The following ANKLE2 variants were observed in gnomAD, a reference collection of about 807,000 sequenced individuals.
ANKLE2 encodes ankyrin repeat and LEM domain-containing protein 2.
A neutral mutation model predicts 84.2 loss-of-function variants in ANKLE2; 55 were observed. The ratio of observed to expected loss-of-function variants is 0.65; its 90% confidence interval spans 0.53 to 0.82. The LOEUF is 0.82. ANKLE2 is among the 40% of genes least tolerant of loss of function. The pLI, the probability that ANKLE2 is intolerant of heterozygous loss-of-function variation, is 0.00. For missense variants in ANKLE2, 1,238 were observed against 1,201.9 expected, an observed-to-expected ratio of 1.03 and a Z score of -0.44; for synonymous variants, 551 against 486.1, an observed-to-expected ratio of 1.13 and a Z score of -1.76.
Position 132,748,100 on chromosome 12 carries a change from G to A in ANKLE2, c.1041+38C>T, listed in dbSNP as rs2044277748. ...TGCGAGTGCTGCGATGGAACGGCCG[G>A]GACCGCACACCTGCCCGAGGGAACC... On this transcript the variant is annotated intron_variant, in intron 4 of 12. Coordinates refer to ENST00000357997, the MANE Select transcript of ANKLE2 (RefSeq NM_015114.3). 5 of 1,608,872 alleles carry A rather than the reference G, an allele frequency of 3.1e-6. No individual in the cohort carries two copies. The East Asian group carries it at 8.9e-5, about 29-fold the overall frequency.
At position 132,748,007 on chromosome 12, in the gene ANKLE2, T is replaced by C; in HGVS notation, c.1055A>G (p.Tyr352Cys). Residue 352 changes from tyrosine (Y) to cysteine (C), a missense_variant, in exon 5 of 13, where the codon TAC becomes TGC. This residue lies in a region of ANKLE2 where 802 missense variants were observed against 774.5 expected (regional missense o/e 1.04). Coordinates refer to ENST00000357997, the MANE Select transcript of ANKLE2 (RefSeq NM_015114.3). ...NPTIVQEGCR[Y>C]NVMHVAAKEN... ...TTTGGCAGCAACATGCATCACGTTG[T>C]ACCTGCACCCTTCCTGAAAGAGAAC... 1 of 1,600,094 alleles carries C rather than the reference T, an allele frequency of 6.2e-7. No individual in the cohort carries two copies. Among genetic ancestry groups the C allele is most frequent in the Non-Finnish European group, 8.5e-7 (1 of 1,174,422 alleles).
Position 132,755,090 on chromosome 12 carries a change from C to T in ANKLE2, c.225G>A (p.Leu75=). The change falls in exon 2 of 13, where the codon CTG becomes CTA. Residue 75 remains leucine, a synonymous_variant. Coordinates refer to ENST00000357997, the MANE Select transcript of ANKLE2 (RefSeq NM_015114.3). ...MDALLARLKL[L]NPDDLREEIV... is the part of the protein sequence containing the mutation. ...TTTCTTCTCTAAGGTCATCTGGATT[C>T]AGAAGTTTCAATCGAGCCAACAGAG... 1 of 1,612,224 alleles carries T rather than the reference C, an allele frequency of 6.2e-7. No individual in the cohort carries two copies. Among genetic ancestry groups the T allele is most frequent in the Non-Finnish European group, 8.5e-7 (1 of 1,179,866 alleles).
chr12:132,754,724 G>A lies in ANKLE2; in HGVS notation c.591C>T (p.Pro197=), dbSNP rs780235836. 2 of 1,614,044 alleles carry A rather than the reference G, an allele frequency of 1.2e-6. No homozygotes were observed. Among genetic ancestry groups the A allele is most frequent in the South Asian group, 1.1e-5 (1 of 91,074 alleles). Residue 197 remains proline (P), a synonymous_variant, in exon 2 of 13, where the codon CCC becomes CCT. Transcript: ENST00000357997. ...RAGATASKEP[P]LYYGVCPVYE... is the part of the protein sequence containing the mutation. ...ACACTGGACACACCCCATAGTACAG[G>A]GGCGGCTCCTTAGACGCAGTCGCTC... is the stretch of plus-strand genomic sequence containing the variant.
At position 132,754,765 on chromosome 12, in the gene ANKLE2, C is replaced by T. The variant is rs143993868; in HGVS notation, c.550G>A (p.Asp184Asn). The change falls in exon 2 of 13, where the codon GAC (aspartate) becomes AAC (asparagine). Residue 184 changes from aspartate (D) to asparagine (N), a missense_variant. By Grantham distance (23) the Asp-to-Asn change is conservative. Transcript: ENST00000357997. Reference protein sequence around the residue: ...KTCSVPPSDTDTYRAGATASK... With the variant: ...KTCSVPPSDTNTYRAGATASK... ...GCAGTCGCTCCAGCTCTGTAGGTGT[C>T]GGTGTCACTAGGGGGCACCGAGCAG... is the stretch of plus-strand genomic sequence containing the variant. The T allele has an allele frequency of 1.1e-4, 173 of 1,614,132 alleles. 1 individual carries two copies. Among genetic ancestry groups the T allele is most frequent in the African/African-American group, 2.3e-4 (17 of 75,038 alleles).
At chr12:132,759,153 GAGGA>G (rs2044555246) in intron 1 of ANKLE2, 5 of 45,540 alleles carry the variant, frequency 1.1e-4, no homozygotes, top group East Asian at 7.2e-4. Context: ...ACGTGGCAGA[GAGGA>G]TCGCTGCGGA....
rs755090802 is a variant in ANKLE2 at position 132,747,919 on chromosome 12, C to T, written c.1143G>A (p.Arg381=). The part of the protein sequence containing the change: ...LDVLENPDFM[R]LMYPDDDEAM... The stretch of plus-strand genomic sequence containing the variant: ...CCTCGTCGTCATCAGGGTACATCAG[C>T]CTCATGAAGTCAGGGTTCTCCAGGA... Residue 381 remains arginine, a synonymous_variant, in exon 5 of 13, where the codon AGG becomes AGA. Coordinates refer to ENST00000357997, the MANE Select transcript of ANKLE2 (RefSeq NM_015114.3). The T allele has an allele frequency of 6.2e-7, 1 of 1,604,996 alleles. No individual in the cohort carries two copies. The highest frequency in any genetic ancestry group is 8.5e-7 in the Non-Finnish European group (1 of 1,177,904).
chr12:132,751,712 G>A (rs930575152), intron 2 of ANKLE2, among the ~76,000 whole-genome samples: 3 of 144,078 alleles, frequency 2.1e-5, no homozygotes, highest in African/African-American at 5.2e-5. Flanking sequence ...CTGGCTAATT[G>A]TTGTATTTTT....
At position 132,727,448 on chromosome 12, in the gene ANKLE2, G is replaced by A. The variant is rs779875982; in HGVS notation, c.2616-5C>T. 7.1e-5 allele frequency: 110 copies of A among 1,552,584 alleles called. No individual in the cohort carries two copies. Among genetic ancestry groups the A allele is most frequent in the South Asian group, 8.3e-5 (7 of 84,172 alleles). ...TTCACCGCGGGACTGGGCCAACTGCGGAAAGCAAGAAAGAACTGTTAGCAG... is the reference window on the plus strand; with the variant it reads ...TTCACCGCGGGACTGGGCCAACTGCAGAAAGCAAGAAAGAACTGTTAGCAG... On this transcript the variant is annotated splice_region_variant and splice_polypyrimidine_tract_variant and intron_variant, in intron 12 of 12. Coordinates refer to ENST00000357997, the MANE Select transcript of ANKLE2 (RefSeq NM_015114.3).
chr12:132,759,951 T>C lies in ANKLE2; in HGVS notation c.181+1667A>G, dbSNP rs149238274. On this transcript the variant is annotated intron_variant, in intron 1 of 12. Transcript: ENST00000357997. ...GAATTCGAGACCATCCTGGCCAACA[T>C]GGTGAAACCCCGTCTCTATTAAAAA... 9.6e-3 allele frequency: 1,450 copies of C among 150,704 alleles called. 33 individuals carry two copies. The highest frequency in any genetic ancestry group is 0.056 in the Admixed American group (855 of 15,174). 9.3% of individuals were successfully genotyped at this position (150,704 alleles called of 1,614,324 possible).
At chr12:132,756,050 G>A (rs2044475194) in intron 1 of ANKLE2, 1 of 151,530 alleles carries the variant, frequency 6.6e-6, no homozygotes, top group African/African-American at 2.4e-5. Flanking sequence ...TCTCCATGTT[G>A]GTCAGGCTGG....
At chr12:132,730,446 CA>C in intron 10 of ANKLE2, 176 bp from the exon 11 acceptor site, 1 of 565,782 alleles carries the variant, frequency 1.8e-6, no homozygotes. Flanking sequence ...CTCTTGCATC[CA>C]AAACCTCCTC....
rs1018183581 is a variant in ANKLE2, at chr12:132,743,983, G to A, written c.1231-707C>T. On this transcript the variant is annotated intron_variant, in intron 5 of 12. Transcript: ENST00000357997. This position sits in a 1 kb window ranked among gnomAD's most constrained non-coding sequence, Gnocchi z 4.1. Reference sequence around the variant, plus strand: ...TGCGGCCTGTGACACCACAGTAAACGAAATTTTTTTCACTGCTGACGATGC... The same window carrying A: ...TGCGGCCTGTGACACCACAGTAAACAAAATTTTTTTCACTGCTGACGATGC... 6.6e-5 allele frequency among the ~76,000 whole-genome samples: 10 copies of A among 152,274 alleles called. No homozygotes were observed. The highest frequency in any genetic ancestry group is 2.1e-4 in the South Asian group (1 of 4,824).
At position 132,761,604 on chromosome 12, in the gene ANKLE2, C is replaced by G. The variant is rs1046242654; in HGVS notation, c.181+14G>C. The G allele has an allele frequency of 1.6e-6, 2 of 1,222,394 alleles. No homozygotes were observed. The highest frequency in any genetic ancestry group is 1.0e-6 in the Non-Finnish European group (1 of 980,786). 75.7% of individuals were successfully genotyped at this position (1,222,394 alleles called of 1,614,324 possible). ...GGCCAGGGTGCGGGGACCCAGCGAC[C>G]GCCTGGGCCTTACCTGAGGCGGGGG... On this transcript the variant is annotated intron_variant, in intron 1 of 12. Coordinates refer to ENST00000357997, the MANE Select transcript of ANKLE2 (RefSeq NM_015114.3).
chr12:132,735,593 G>A (rs1031192746), intron 8 of ANKLE2, 81 bp from the exon 9 acceptor site: 6 of 1,137,176 alleles, frequency 5.3e-6, no homozygotes, highest in African/African-American at 1.6e-5. Context: ...CGTCGTCATC[G>A]CAGTAGCTGC....
Position 132,755,146 on chromosome 12 carries a change from C to A in ANKLE2, c.182-13G>T. 1.9e-6 allele frequency: 3 copies of A among 1,574,310 alleles called. No individual in the cohort carries two copies. Among genetic ancestry groups the A allele is most frequent in the Admixed American group, 1.8e-5 (1 of 54,344 alleles). On this transcript the variant is annotated splice_polypyrimidine_tract_variant and intron_variant, in intron 1 of 12. Coordinates refer to ENST00000357997, the MANE Select transcript of ANKLE2 (RefSeq NM_015114.3). ...ATTGTCATTTCACCTAGGCCCAAGA[C>A]AAAAAAATCAAAGAGTCACAAAATA...
rs1409905716 is a variant in ANKLE2, at chr12:132,735,081, A to G, written c.1700+325T>C. The G allele has an allele frequency of 4.8e-5, 16 of 333,112 alleles. No homozygotes were observed. In the South Asian group the frequency reaches 6.2e-4, roughly 13 times the overall value. The allele number at this position is 333,112 out of a possible 1,614,324, so 20.6% of individuals were successfully genotyped here. A position where few individuals can be genotyped will look rare whatever the true frequency, so the allele number is the denominator to read the frequency against. ...TAATTTAGCTTTGTGGCTATGGCCT[A>G]TTTTTTCCCAAGGAATCCATAGCAT... is the stretch of plus-strand genomic sequence containing the variant. On this transcript the variant is annotated intron_variant, in intron 9 of 12. Transcript: ENST00000357997.
rs754639800 is a variant in ANKLE2, at chr12:132,742,070, CA to C, written c.1354-586del. ...GAGAAACTAATTAAAACTATGAATG[CA>C]ACTACATTTTTGAGTCTGTACCTGA... On this transcript the variant is annotated intron_variant, in intron 6 of 12. Coordinates refer to ENST00000357997, the MANE Select transcript of ANKLE2 (RefSeq NM_015114.3). The C allele has an allele frequency of 2.8e-4, 88 of 318,124 alleles. 2 individuals carry two copies. Among genetic ancestry groups the C allele is most frequent in the Admixed American group, 1.8e-3 (39 of 21,412 alleles). 19.7% of individuals were successfully genotyped at this position (318,124 alleles called of 1,614,324 possible).
Position 132,754,850 on chromosome 12 carries a change from T to C in ANKLE2, c.465A>G (p.Arg155=), listed in dbSNP as rs753979478. ...TCAGGCCCACACTGTAACCAAAATC[T>C]CTGTCTTCAGAAAAACCAGCCTGAT... is the stretch of plus-strand genomic sequence containing the variant. ...PTDQAGFSED[R]DFGYSVGLNP... is the part of the protein sequence containing the mutation. The change falls in exon 2 of 13, where the codon AGA becomes AGG. Residue 155 remains arginine, a synonymous_variant. Coordinates refer to ENST00000357997, the MANE Select transcript of ANKLE2 (RefSeq NM_015114.3). The C allele has an allele frequency of 4.0e-5, 65 of 1,614,018 alleles. No individual in the cohort carries two copies. Among genetic ancestry groups the C allele is most frequent in the Non-Finnish European group, 5.3e-5 (63 of 1,180,042 alleles).
chr12:132,738,357 A>G (rs967331661), intron 7 of ANKLE2: 1 of 152,214 alleles, frequency 6.6e-6, no homozygotes, highest in Non-Finnish European at 1.5e-5. Context: ...CAAGCCATAT[A>G]GGATAGTGTC....
Sources: gnomAD v4.1 joint callset for allele counts (sites outside exome capture counted in the v4.1 genomes callset) on GRCh38, gnomAD v4.1.1 for gene constraint, gnomAD v4.1.1 regional missense constraint, Gnocchi (gnomAD v3.1) non-coding constraint, MANE v1.5 for transcripts, NCBI Gene and HGNC (gene_info 2026-07-23, HGNC 2026-07-21) for gene names.